Variants in OGG1 observed in about 807,000 individuals in gnomAD.
OGG1 encodes N-glycosylase/DNA lyase.
Under a neutral mutation model 42.3 loss-of-function variants are expected in OGG1, and 35 were observed. That is an observed-to-expected ratio of 0.83 (90% CI 0.63 to 1.10). The LOEUF is 1.10. Among genes scored for constraint, OGG1 ranks in the 50% least tolerant of loss-of-function variants. The probability of loss-of-function intolerance (pLI) is 0.00; values close to 1 mark genes in which losing one functional copy is unlikely to be tolerated. For synonymous variants in OGG1, 189 were observed against 179.0 expected (o/e 1.06, Z -0.44); for missense variants, 484 against 446.7 (o/e 1.08, Z -0.75).
At chr3:9,750,613 G>A in intron 1 of OGG1, 190 bp downstream of exon 1, 2 of 808,132 alleles carry the variant, frequency 2.5e-6, no homozygotes, top group South Asian at 1.6e-5. Context: ...AGGATCCAGC[G>A]GTATAACCGA....
Position 9,751,037 on chromosome 3 carries a change from T to G in OGG1, c.230T>G (p.Val77Gly). Residue 77 changes from valine to glycine, a missense_variant, in exon 2 of 7, where the codon GTG becomes GGG. Physicochemically the swap from Val to Gly is moderately radical, Grantham distance 109. Coordinates refer to ENST00000344629, the MANE Select transcript of OGG1 (RefSeq NM_002542.6). Reference sequence around the variant, plus strand: ...ACTGAGGAGCAGCTCCACTGCACTGTGTACCGAGGAGACAAGAGCCAGGCT... The same window carrying G: ...ACTGAGGAGCAGCTCCACTGCACTGGGTACCGAGGAGACAAGAGCCAGGCT... Reference protein sequence around the residue: ...TQTEEQLHCTVYRGDKSQASR... With the variant: ...TQTEEQLHCTGYRGDKSQASR... 1 of 1,613,912 alleles carries G rather than the reference T, an allele frequency of 6.2e-7. No individual in the cohort carries two copies. Among genetic ancestry groups the G allele is most frequent in the Non-Finnish European group, 8.5e-7 (1 of 1,179,862 alleles).
chr3:9,752,165 C>T (rs1394418908), intron 3 of OGG1: 2 of 598,836 alleles, frequency 3.3e-6, no homozygotes. Context: ...CCAATGGGTT[C>T]AATGCCTAAT....
chr3:9,788,559 G>A (rs2078669112), downstream of OGG1, among the ~76,000 whole-genome samples: 1 of 144,446 alleles, frequency 6.9e-6, no homozygotes, highest in South Asian at 2.3e-4. Flanking sequence ...TTTTTTTAAT[G>A]GATGGAATCT....
chr3:9,767,570 G>T, downstream of OGG1: 1 of 1,499,534 alleles, frequency 6.7e-7, no homozygotes, highest in Non-Finnish European at 9.2e-7. Flanking sequence ...CAGGGCCTGG[G>T]CTGTGGGAAA....
intron 3 of OGG1, among the ~76,000 whole-genome samples, chr3:9,784,522 T>C (rs1428106993): frequency 3.9e-5 from 6 of 152,134 alleles, no homozygotes; most frequent in Non-Finnish European, 5.9e-5. Context: ...TCCTAATCTT[T>C]TGCTACATAT....
chr3:9,751,266 TGTA>T (rs2077291598), intron 2 of OGG1, 74 bp downstream of exon 2: 1 of 1,491,374 alleles, frequency 6.7e-7, no homozygotes, highest in Non-Finnish European at 9.2e-7. Context: ...TTTTGCCACC[TGTA>T]AAATGGGGAT....
downstream of OGG1, chr3:9,759,855 G>T: frequency 6.2e-7 from 1 of 1,600,668 alleles, no homozygotes; most frequent in Non-Finnish European, 8.5e-7. Context: ...TCAAGACAAA[G>T]AGGCCAAATC....
intron 2 of OGG1, 135 bp from the exon 3 acceptor site, chr3:9,751,635 T>C: frequency 1.2e-6 from 1 of 846,552 alleles, no homozygotes. Context: ...CTGGTGTTGC[T>C]TTCTCTAACG....
chr3:9,761,353 A>G, downstream of OGG1: 1 of 1,094,832 alleles, frequency 9.1e-7, no homozygotes, highest in South Asian at 1.5e-5. Context: ...GAAGGAAGGG[A>G]GGGAGGGAAG....
downstream of OGG1, chr3:9,758,899 G>T: frequency 2.6e-6 from 1 of 386,320 alleles, no homozygotes; most frequent in South Asian, 2.2e-5. Flanking sequence ...CAAAGTGCTG[G>T]GATTACAGGC....
In OGG1 at chr3:9,754,775, C is replaced by G; in HGVS notation, c.637C>G (p.Arg213Gly). 1 of 1,614,002 alleles carries G rather than the reference C, an allele frequency of 6.2e-7. No homozygotes were observed. Among genetic ancestry groups the G allele is most frequent in the Non-Finnish European group, 8.5e-7 (1 of 1,179,972 alleles). ...YRARYVSASA[R>G]AILEEQGGLA... ...TGCCCGTTACGTGAGTGCCAGTGCC[C>G]GAGCCATCCTGGAAGAACAGGGCGG... Residue 213 changes from arginine (R) to glycine (G), a missense_variant, in exon 4 of 7, where the codon CGA (arginine) becomes GGA (glycine). Transcript: ENST00000344629.
At chr3:9,789,565 C>G, downstream of OGG1, 1 of 1,614,200 alleles carries the variant, frequency 6.2e-7, no homozygotes, top group Non-Finnish European at 8.5e-7. Context: ...AGTGTGCGGA[C>G]CTCCTCGCTG....
At chr3:9,765,691 G>A in intron 7 of OGG1, 1 of 1,556,726 alleles carries the variant, frequency 6.4e-7, no homozygotes, top group Non-Finnish European at 8.8e-7. Flanking sequence ...TCCAAAGCAG[G>A]AAAGGAGGAG....
chr3:9,760,482 G>A, downstream of OGG1: 1 of 597,942 alleles, frequency 1.7e-6, no homozygotes, highest in South Asian at 2.0e-5. Context: ...GAGCCAAGCA[G>A]AAGGAAGTAC....
chr3:9,757,563 G>A, downstream of OGG1: 1 of 1,614,064 alleles, frequency 6.2e-7, no homozygotes, highest in Non-Finnish European at 8.5e-7. This position sits in a 1 kb window ranked among gnomAD's most constrained non-coding sequence, Gnocchi z 4.5. Flanking sequence ...GCAGTGTGGG[G>A]GACAGTTCTG....
downstream of OGG1, chr3:9,759,395 A>G: frequency 6.3e-7 from 1 of 1,577,964 alleles, no homozygotes; most frequent in Non-Finnish European, 8.7e-7. Flanking sequence ...CTGTGTGCCC[A>G]GTGTGATGCC....
chr3:9,751,047 A>G lies in OGG1; in HGVS notation c.240A>G (p.Gly80=), dbSNP rs373011017. 87 of 1,613,740 alleles carry G rather than the reference A, an allele frequency of 5.4e-5. No individual in the cohort carries two copies. Among genetic ancestry groups the G allele is most frequent in the Non-Finnish European group, 7.4e-5 (87 of 1,179,880 alleles). ...EEQLHCTVYR[G]DKSQASRPTP... Reference sequence around the variant, plus strand: ...AGCTCCACTGCACTGTGTACCGAGGAGACAAGAGCCAGGCTAGCAGGCCCA... The same window carrying G: ...AGCTCCACTGCACTGTGTACCGAGGGGACAAGAGCCAGGCTAGCAGGCCCA... Residue 80 remains glycine (G), a synonymous_variant, in exon 2 of 7, where the codon GGA becomes GGG. Coordinates refer to ENST00000344629, the MANE Select transcript of OGG1 (RefSeq NM_002542.6).
chr3:9,790,038 T>C (rs987182415), downstream of OGG1: 19 of 1,490,828 alleles, frequency 1.3e-5, no homozygotes, highest in Admixed American at 4.1e-4. Context: ...GTGAATAAAT[T>C]AGGATCTAGA....
In OGG1 at chr3:9,750,241, G is replaced by A. The variant is rs376781660; in HGVS notation, c.-46G>A. 2.5e-6 allele frequency: 4 copies of A among 1,585,744 alleles called. No homozygotes were observed. Among genetic ancestry groups the A allele is most frequent in the Non-Finnish European group, 2.6e-6 (3 of 1,166,228 alleles). On this transcript the variant is annotated 5_prime_UTR_variant, in exon 1 of 7. The change creates a premature stop within an existing upstream ORF in the 5' untranslated region. Coordinates refer to ENST00000344629, the MANE Select transcript of OGG1 (RefSeq NM_002542.6). ...GGGTCTTTGGGCGTCGACGAGGCCT[G>A]GTTCTGGGTAGGCGGGGCTACTACG...
Sources: allele counts gnomAD v4.1 joint callset (sites outside exome capture counted in the v4.1 genomes callset), GRCh38; gene constraint gnomAD v4.1.1; non-coding constraint Gnocchi (gnomAD v3.1); transcripts MANE v1.5; gene names NCBI Gene and HGNC (gene_info 2026-07-23, HGNC 2026-07-21).